FHOD3: variants seen among roughly 807,000 people sequenced by gnomAD.
FHOD3 encodes the protein formin homology 2 domain containing 3.
In FHOD3, 90 loss-of-function variants were observed where a neutral mutation model predicts 173.0. The observed-to-expected ratio is 0.52, with a 90% CI of 0.44 to 0.62. The LOEUF is 0.62. Ranked by LOEUF, FHOD3 falls within the 20% of genes least tolerant of loss-of-function variation. The pLI, the probability that FHOD3 is intolerant of heterozygous loss-of-function variation, is 0.00. For missense variants in FHOD3, 1,945 were observed against 2,034.7 expected (o/e 0.96, Z 0.85); for synonymous variants, 828 against 823.0 (o/e 1.01, Z -0.10).
At chr18:36,740,983 C>A in intron 21 of FHOD3, 145 bp downstream of exon 21, 2 of 743,752 alleles carry the variant, frequency 2.7e-6, no homozygotes. Flanking sequence ...GTCGTGTGTA[C>A]ACCAAGTGAT....
At chr18:36,703,879 T>A (rs1160560559) in intron 17 of FHOD3, among the ~76,000 whole-genome samples, 1 of 152,140 alleles carries the variant, frequency 6.6e-6, no homozygotes, top group Non-Finnish European at 1.5e-5. Flanking sequence ...GCACTTAGTT[T>A]CTCCCCCCTT....
chr18:36,300,439 G>A (rs1325109809), intron 1 of FHOD3, among the ~76,000 whole-genome samples: 5 of 152,224 alleles, frequency 3.3e-5, no homozygotes, highest in Admixed American at 1.3e-4. Flanking sequence ...GACACAGAGT[G>A]CATAGTCAGA....
At chr18:36,639,399 G>A (rs746669224) in intron 10 of FHOD3, among the ~76,000 whole-genome samples, 10 of 152,204 alleles carry the variant, frequency 6.6e-5, no homozygotes, top group Non-Finnish European at 1.3e-4. Flanking sequence ...AAGGCAGGGT[G>A]TGGTGGCTCA....
intron 5 of FHOD3, among the ~76,000 whole-genome samples, chr18:36,532,041 C>T (rs139744363): frequency 0.015 from 2,301 of 152,330 alleles, 50 homozygotes; most frequent in African/African-American, 0.05. Context: ...TGGCCTGCTT[C>T]TGTTCTCTGC....
chr18:36,387,476 G>A (rs2048087424), intron 3 of FHOD3, among the ~76,000 whole-genome samples: 1 of 152,176 alleles, frequency 6.6e-6, no homozygotes, highest in Non-Finnish European at 1.5e-5. Flanking sequence ...TTACTGTAAT[G>A]TGAGACGTTC....
rs764027883 is a variant in FHOD3 at position 36,709,096 on chromosome 18, A to C, written c.2238A>C (p.Ala746=). 3 of 1,611,704 alleles carry C rather than the reference A, an allele frequency of 1.9e-6. No individual in the cohort carries two copies. In the South Asian group the frequency reaches 3.3e-5, roughly 18 times the overall value. ...SSPGTPHHPQ[A]SAGDPEPESE... is the part of the protein sequence containing the mutation. ...AATCTCCATTGTTGTCTCCACCAGC[A>C]AGTGCCGGGGATCCTGAACCCGAAT... Residue 746 remains alanine (A), a splice_region_variant and synonymous_variant, in exon 18 of 29, where the codon GCA becomes GCC. Transcript: ENST00000590592.
At chr18:36,696,682 C>T (rs2039301227) in intron 17 of FHOD3, among the ~76,000 whole-genome samples, 1 of 152,178 alleles carries the variant, frequency 6.6e-6, no homozygotes, top group Non-Finnish European at 1.5e-5. Flanking sequence ...ATTAATTTTC[C>T]ATCTGACCCT....
At chr18:36,766,388 A>G (rs2043138106) in intron 27 of FHOD3, among the ~76,000 whole-genome samples, 1 of 152,198 alleles carries the variant, frequency 6.6e-6, no homozygotes, top group African/African-American at 2.4e-5. Flanking sequence ...ATGTTTTAGA[A>G]AAATAAAAGT....
chr18:36,577,330 C>A (rs2058692120), intron 6 of FHOD3, among the ~76,000 whole-genome samples: 1 of 151,946 alleles, frequency 6.6e-6, no homozygotes, highest in Non-Finnish European at 1.5e-5. Flanking sequence ...GAGACAGAGT[C>A]TTATACTCTG....
At chr18:36,554,838 T>G (rs1478693647) in intron 5 of FHOD3, among the ~76,000 whole-genome samples, 1 of 152,204 alleles carries the variant, frequency 6.6e-6, no homozygotes, top group Non-Finnish European at 1.5e-5. Context: ...AATTTAAGCA[T>G]TTCATCTAAG....
intron 19 of FHOD3, among the ~76,000 whole-genome samples, chr18:36,728,256 C>T (rs1282623003): frequency 6.6e-6 from 1 of 152,234 alleles, no homozygotes; most frequent in Non-Finnish European, 1.5e-5. Context: ...CCCGGAGAAG[C>T]AGGCCTCCAG....
chr18:36,488,263 A>T (rs2054289413), intron 3 of FHOD3, among the ~76,000 whole-genome samples: 1 of 152,158 alleles, frequency 6.6e-6, no homozygotes, highest in African/African-American at 2.4e-5. Context: ...CCAGCTAATG[A>T]TCCTTAACTT....
In FHOD3 at chr18:36,747,022, A is replaced by G. The variant is rs1369080260; in HGVS notation, c.4119A>G (p.Ala1373=). The change falls in exon 24 of 29, where the codon GCA becomes GCG. Residue 1373 remains alanine (A), a synonymous_variant. Coordinates refer to ENST00000590592, the MANE Select transcript of FHOD3 (RefSeq NM_001281740.3). ...RCKASWDHLK[A]IAKHEMKPVL... ...AAGCTTCATGGGATCACCTCAAGGC[A>G]ATTGCAAAACATGAAATGAAACCAG... 1 of 1,614,132 alleles carries G rather than the reference A, an allele frequency of 6.2e-7. No individual in the cohort carries two copies. The highest frequency in any genetic ancestry group is 1.7e-5 in the Admixed American group (1 of 60,012).
intron 1 of FHOD3, among the ~76,000 whole-genome samples, chr18:36,299,878 T>G (rs1227085849): frequency 6.6e-6 from 1 of 152,222 alleles, no homozygotes; most frequent in Non-Finnish European, 1.5e-5. Context: ...GCATTGTTTT[T>G]CCCATCTACA....
chr18:36,395,768 AT>A (rs545719257), intron 3 of FHOD3, among the ~76,000 whole-genome samples: 366 of 152,220 alleles, frequency 2.4e-3, no homozygotes, highest in Non-Finnish European at 4.5e-3. Flanking sequence ...GAAAATAGTT[AT>A]TTTTTCTAAA....
intron 5 of FHOD3, among the ~76,000 whole-genome samples, chr18:36,565,460 A>G (rs574421663): frequency 1.4e-4 from 21 of 152,292 alleles, no homozygotes; most frequent in African/African-American, 4.8e-4. Context: ...GTGCTTAGTG[A>G]TGGGCTCATG....
intron 12 of FHOD3, 49 bp from the exon 13 acceptor site, chr18:36,653,293 T>C (rs1436947855): frequency 2.2e-6 from 3 of 1,387,202 alleles, no homozygotes; most frequent in Middle Eastern, 1.8e-4. Flanking sequence ...CAAAGTCCTT[T>C]GCTATCTTTC....
In FHOD3 at chr18:36,468,884, C is replaced by G. The variant is rs550279450; in HGVS notation, c.338-33048C>G. On this transcript the variant is annotated intron_variant, in intron 3 of 28. Coordinates refer to ENST00000590592, the MANE Select transcript of FHOD3 (RefSeq NM_001281740.3). ...GCAATGGTAATCCCACCGACAGACA[C>G]TGAGAACCTTTGAGGCGGCAGGTCT... Among the ~76,000 whole-genome samples, 8 of 152,314 alleles carry G rather than the reference C, an allele frequency of 5.3e-5. No homozygotes were observed. The South Asian group carries it at 1.5e-3, about 28-fold the overall frequency.
chr18:36,468,345 C>T (rs1002671078), intron 3 of FHOD3, among the ~76,000 whole-genome samples: 7 of 152,086 alleles, frequency 4.6e-5, no homozygotes, highest in Admixed American at 6.5e-5. Flanking sequence ...GCCAGCTAGA[C>T]GTGGTGATAA....
Sources: allele counts gnomAD v4.1 joint callset (sites outside exome capture counted in the v4.1 genomes callset), GRCh38; gene constraint gnomAD v4.1.1; transcripts MANE v1.5; gene names NCBI Gene and HGNC (gene_info 2026-07-23, HGNC 2026-07-21).